Variants in PCDHGA4 observed in about 807,000 individuals in gnomAD.
PCDHGA4 encodes protocadherin gamma-A4.
In PCDHGA4, 38 loss-of-function variants were observed where a neutral mutation model predicts 54.6. The observed-to-expected ratio is 0.70, with a 90% CI of 0.54 to 0.91. PCDHGA4 has a LOEUF of 0.91. Ranked by LOEUF, PCDHGA4 falls within the 40% of genes least tolerant of loss-of-function variation. The pLI, the probability that PCDHGA4 is intolerant of heterozygous loss-of-function variation, is 0.00. For synonymous variants in PCDHGA4, 511 were observed against 512.9 expected (o/e 1.00, Z 0.05); for missense variants, 1,298 against 1,220.9 (o/e 1.06, Z -0.94).
intron 1 of PCDHGA4, chr5:141,417,038 T>TAAA (rs567249795): frequency 5.5e-5 from 8 of 145,968 alleles, no homozygotes; most frequent in East Asian, 2.0e-4. Context: ...GTTTTTTTTT[T>TAAA]AAAAAAAACT....
chr5:141,365,179 TGAA>T (rs1323798128), intron 1 of PCDHGA4: 22 of 1,613,762 alleles, frequency 1.4e-5, no homozygotes, highest in Non-Finnish European at 1.9e-5. Context: ...CTTTTCGCAA[TGAA>T]GAAGAAAAAA....
intron 1 of PCDHGA4, among the ~76,000 whole-genome samples, chr5:141,445,924 A>G (rs1451439271): frequency 6.6e-6 from 1 of 152,184 alleles, no homozygotes; most frequent in Non-Finnish European, 1.5e-5. Flanking sequence ...GTGACAAGAT[A>G]TTTGAATTAT....
chr5:141,480,102 T>C (rs568342271), intron 1 of PCDHGA4, among the ~76,000 whole-genome samples: 1 of 152,320 alleles, frequency 6.6e-6, no homozygotes, highest in South Asian at 2.1e-4. Flanking sequence ...GCAAAGTGTT[T>C]AGCATGGTGC....
rs751805838 is a variant in PCDHGA4, at chr5:141,409,319, G to T, written c.2514+51698G>T. 3 of 1,613,988 alleles carry T rather than the reference G, an allele frequency of 1.9e-6. No homozygotes were observed. The Admixed American group carries it at 5.0e-5, about 27-fold the overall frequency. ...GGTTGTTGCCCTCTTCAAAACACGG[G>T]ATCTGGATTTCGGAGGAAATGGAGA... is the stretch of plus-strand genomic sequence containing the variant. On this transcript the variant is annotated intron_variant, in intron 1 of 3. Coordinates refer to ENST00000571252, the MANE Select transcript of PCDHGA4 (RefSeq NM_018917.4).
At chr5:141,433,401 A>ATCTATCTATCTC (rs1444244130) in intron 1 of PCDHGA4, among the ~76,000 whole-genome samples, 15 of 150,598 alleles carry the variant, frequency 1.0e-4, no homozygotes, top group African/African-American at 3.4e-4. Flanking sequence ...CTATCTATCT[A>ATCTATCTATCTC]TCTATTACTT....
intron 1 of PCDHGA4, chr5:141,413,223 G>C (rs1454395834): frequency 6.2e-7 from 1 of 1,613,694 alleles, no homozygotes; most frequent in African/African-American, 1.3e-5. Flanking sequence ...ATTGCAGCGG[G>C]CTGGTCCTGC....
chr5:141,479,277 TC>T (rs2099491823), intron 1 of PCDHGA4: 1 of 152,362 alleles, frequency 6.6e-6, no homozygotes, highest in African/African-American at 2.4e-5. Flanking sequence ...ATAATTTATT[TC>T]AAAAATAAAT....
rs1243327893 is a variant in PCDHGA4, at chr5:141,491,671, C to G, written c.2515-3136C>G. 1 of 1,613,484 alleles carries G rather than the reference C, an allele frequency of 6.2e-7. No homozygotes were observed. Among genetic ancestry groups the G allele is most frequent in the Admixed American group, 1.7e-5 (1 of 60,034 alleles). On this transcript the variant is annotated intron_variant, in intron 1 of 3. Transcript: ENST00000571252. This position sits in a 1 kb window ranked among gnomAD's most constrained non-coding sequence, Gnocchi z 6.9. ...GCTGGAGCCTGACGCCATCCGGTCC[C>G]GCTCTAATACGCTGCGGGAGCGGAG...
In PCDHGA4 at chr5:141,481,621, C is replaced by T. The variant is rs533294863; in HGVS notation, c.2515-13186C>T. Among the ~76,000 whole-genome samples the T allele has an allele frequency of 3.9e-5, 6 of 152,198 alleles. 1 individual carries two copies. Among genetic ancestry groups the T allele is most frequent in the East Asian group, 3.9e-4 (2 of 5,172 alleles). Reference sequence around the variant, plus strand: ...TCACCTGAGGCCAGGAGTTCAAGACCGGCCTGGCCAACATGGTGAAACTTC... The same window carrying T: ...TCACCTGAGGCCAGGAGTTCAAGACTGGCCTGGCCAACATGGTGAAACTTC... On this transcript the variant is annotated intron_variant, in intron 1 of 3. Transcript: ENST00000571252.
chr5:141,496,077 C>G (rs1269618753), intron 2 of PCDHGA4, among the ~76,000 whole-genome samples: 1 of 152,042 alleles, frequency 6.6e-6, no homozygotes, highest in African/African-American at 2.4e-5. Flanking sequence ...CACACACAAC[C>G]CCCCACCCAC....
At chr5:141,467,097 G>A (rs912875702) in intron 1 of PCDHGA4, among the ~76,000 whole-genome samples, 1 of 150,152 alleles carries the variant, frequency 6.7e-6, no homozygotes, top group Non-Finnish European at 1.5e-5. Context: ...CTGTCACACA[G>A]GCTGGAGTAC....
At chr5:141,496,080 C>G (rs2099765822) in intron 2 of PCDHGA4, among the ~76,000 whole-genome samples, 2 of 152,150 alleles carry the variant, frequency 1.3e-5, no homozygotes, top group East Asian at 1.9e-4. Context: ...ACACAACCCC[C>G]CACCCACCAC....
At chr5:141,478,322 C>G (rs1360535508) in intron 1 of PCDHGA4, 28 of 1,613,976 alleles carry the variant, frequency 1.7e-5, no homozygotes, top group Non-Finnish European at 2.3e-5. Context: ...CTCACTGTAC[C>G]GAACACCAGG....
intron 3 of PCDHGA4, among the ~76,000 whole-genome samples, chr5:141,509,336 GC>G (rs2099876304): frequency 6.6e-6 from 1 of 152,178 alleles, no homozygotes; most frequent in Non-Finnish European, 1.5e-5. Context: ...TGCCAGCTGG[GC>G]CTGGGCTGGC....
At chr5:141,495,065 T>C (rs1413025171) in intron 2 of PCDHGA4, among the ~76,000 whole-genome samples, 200 bp downstream of exon 2, 1 of 152,148 alleles carries the variant, frequency 6.6e-6, no homozygotes, top group Admixed American at 6.5e-5. Flanking sequence ...TTCAGGAAGC[T>C]CAATTCACAT....
At chr5:141,383,385 G>A in intron 1 of PCDHGA4, 2 of 1,613,962 alleles carry the variant, frequency 1.2e-6, no homozygotes, top group South Asian at 2.2e-5. Flanking sequence ...ATCCAGATGT[G>A]GGCACGAACT....
At chr5:141,499,019 AG>A (rs2099788634) in intron 2 of PCDHGA4, among the ~76,000 whole-genome samples, 3 of 150,840 alleles carry the variant, frequency 2.0e-5, no homozygotes, top group Non-Finnish European at 3.0e-5. Context: ...GAAGGAAGGA[AG>A]GAAGGAAGAA....
intron 1 of PCDHGA4, chr5:141,421,360 T>G (rs549572548): frequency 6.2e-7 from 1 of 1,613,980 alleles, no homozygotes; most frequent in African/African-American, 1.3e-5. Context: ...AAAGGGCTCC[T>G]TCGTGGGCAA....
At chr5:141,483,854 T>C (rs2154580004) in intron 1 of PCDHGA4, among the ~76,000 whole-genome samples, 1 of 152,236 alleles carries the variant, frequency 6.6e-6, no homozygotes, top group South Asian at 2.1e-4. Flanking sequence ...ATTAAGAAAT[T>C]TCATGTCCAG....
Sources: allele counts gnomAD v4.1 joint callset (sites outside exome capture counted in the v4.1 genomes callset), GRCh38; gene constraint gnomAD v4.1.1; non-coding constraint Gnocchi (gnomAD v3.1); transcripts MANE v1.5; gene names NCBI Gene and HGNC (gene_info 2026-07-23, HGNC 2026-07-21).